NHLRC2: variants seen among roughly 807,000 people sequenced by gnomAD.
The protein encoded by NHLRC2 is NHL repeat containing 2.
A neutral mutation model predicts 68.1 loss-of-function variants in NHLRC2; 33 were observed. That is an observed-to-expected ratio of 0.48 (90% CI 0.37 to 0.65). The LOEUF (loss-of-function observed/expected upper bound fraction) is 0.65. NHLRC2 is among the 30% of genes least tolerant of loss of function. The pLI is 0.00. For missense variants in NHLRC2, 761 were observed against 853.8 expected (o/e 0.89, Z 1.35); for synonymous variants, 311 against 309.6 (o/e 1.00, Z -0.05).
intron 2 of NHLRC2, among the ~76,000 whole-genome samples, chr10:113,862,681 G>C (rs879053879): frequency 1.8e-4 from 27 of 152,170 alleles, no homozygotes; most frequent in Admixed American, 1.3e-4. Context: ...GTCTTCAAGA[G>C]ACTCACTTTA....
At chr10:113,858,431 A>G (rs952034186) in intron 1 of NHLRC2, 97 bp from the exon 2 acceptor site, 4 of 757,210 alleles carry the variant, frequency 5.3e-6, no homozygotes, top group African/African-American at 3.5e-5. Flanking sequence ...GTTTATTTGC[A>G]TTAGTCTTAA....
intron 10 of NHLRC2, 128 bp from the exon 11 acceptor site, chr10:113,908,152 C>T: frequency 3.0e-6 from 2 of 677,726 alleles, no homozygotes; most frequent in South Asian, 1.9e-5. Context: ...TTCCCACAGA[C>T]CGCAATGCCT....
At chr10:113,886,927 A>AAG (rs1187748091) in intron 5 of NHLRC2, among the ~76,000 whole-genome samples, 2 of 152,226 alleles carry the variant, frequency 1.3e-5, no homozygotes, top group Admixed American at 6.5e-5. Context: ...TAACAGAATG[A>AAG]AGAGACAACC....
intron 4 of NHLRC2, 119 bp downstream of exon 4, chr10:113,879,814 T>C: frequency 1.6e-6 from 1 of 624,210 alleles, no homozygotes; most frequent in Non-Finnish European, 2.6e-6. Flanking sequence ...CTTGTTCTGC[T>C]TTTCTTGAGG....
At chr10:113,904,092 G>GTTTT (rs1282312896) in intron 9 of NHLRC2, among the ~76,000 whole-genome samples, 3 of 139,604 alleles carry the variant, frequency 2.1e-5, no homozygotes, top group African/African-American at 8.0e-5. Flanking sequence ...TTAGCTTATT[G>GTTTT]TTTTTGTTTT....
chr10:113,883,201 T>C (rs1434300888), intron 4 of NHLRC2, among the ~76,000 whole-genome samples: 1 of 151,910 alleles, frequency 6.6e-6, no homozygotes, highest in Non-Finnish European at 1.5e-5. Context: ...TGCCAAAATC[T>C]TTTGATTGTT....
At chr10:113,890,367 C>A (rs1231519346) in intron 5 of NHLRC2, among the ~76,000 whole-genome samples, 1 of 152,124 alleles carries the variant, frequency 6.6e-6, no homozygotes, top group Non-Finnish European at 1.5e-5. Flanking sequence ...CCACAAGACA[C>A]CTGTTTTAAT....
intron 2 of NHLRC2, among the ~76,000 whole-genome samples, chr10:113,868,825 G>A (rs1845894952): frequency 6.6e-6 from 1 of 152,174 alleles, no homozygotes; most frequent in South Asian, 2.1e-4. Context: ...TGTTCTAAAA[G>A]ACAAGCGTGG....
chr10:113,908,461 G>A lies in NHLRC2; in HGVS notation c.2106G>A (p.Leu702=). Residue 702 remains leucine (L), a synonymous_variant, in exon 11 of 11, where the codon TTG becomes TTA. Transcript: ENST00000369301. ...GTGCTTGTATGATGAAGGCAATTTT[G>A]TTCAGTCAGCCTTTACAAATAACGG... ...DSSACMMKAI[L]FSQPLQITDT... 6.2e-7 allele frequency: 1 copy of A among 1,613,958 alleles called. No homozygotes were observed. Among genetic ancestry groups the A allele is most frequent in the Middle Eastern group, 1.6e-4 (1 of 6,062 alleles).
At chr10:113,886,843 A>G (rs1846087217) in intron 5 of NHLRC2, among the ~76,000 whole-genome samples, 1 of 152,246 alleles carries the variant, frequency 6.6e-6, no homozygotes, top group Admixed American at 6.5e-5. Flanking sequence ...CTCCAAAAAC[A>G]CAGGCAACGA....
intron 8 of NHLRC2, 66 bp from the exon 9 acceptor site, chr10:113,903,461 A>G: frequency 7.4e-6 from 7 of 945,200 alleles, no homozygotes; most frequent in Non-Finnish European, 1.0e-5. Context: ...TTGATACCAT[A>G]CTCTTCCATA....
chr10:113,885,419 A>G (rs886586155), intron 5 of NHLRC2, among the ~76,000 whole-genome samples: 1 of 151,966 alleles, frequency 6.6e-6, no homozygotes, highest in African/African-American at 2.4e-5. Context: ...AACTAAAGGG[A>G]TACTTCATAT....
At chr10:113,871,015 C>CT (rs1169108158) in intron 2 of NHLRC2, among the ~76,000 whole-genome samples, 893 of 65,758 alleles carry the variant, frequency 0.014, 78 homozygotes, top group African/African-American at 0.021. Flanking sequence ...CTTCCTGCAT[C>CT]TTTTTTTTTT....
intron 10 of NHLRC2, among the ~76,000 whole-genome samples, chr10:113,907,016 C>G (rs1388664507): frequency 6.6e-6 from 1 of 152,052 alleles, no homozygotes; most frequent in African/African-American, 2.4e-5. Flanking sequence ...ATAAGAAGTT[C>G]TCTACTAATC....
At chr10:113,879,801 G>T in intron 4 of NHLRC2, 106 bp downstream of exon 4, 1 of 692,566 alleles carries the variant, frequency 1.4e-6, no homozygotes. Flanking sequence ...GTATGTCAAT[G>T]TCCTTGTTCT....
rs757392286 is a variant in NHLRC2 at position 113,876,923 on chromosome 10, A to G, written c.734A>G (p.His245Arg). Reference sequence around the variant, plus strand: ...AGATTGGTAATAGCAGACACTGGACATCATAGAATTTTGGTCGTTTGGAAG... The same window carrying G: ...AGATTGGTAATAGCAGACACTGGACGTCATAGAATTTTGGTCGTTTGGAAG... ...TDRLVIADTG[H>R]HRILVVWKNG... The change falls in exon 3 of 11, where the codon CAT (histidine) becomes CGT (arginine). Residue 245 changes from histidine to arginine, a missense_variant. Coordinates refer to ENST00000369301, the MANE Select transcript of NHLRC2 (RefSeq NM_198514.4). 6 of 1,605,528 alleles carry G rather than the reference A, an allele frequency of 3.7e-6. No homozygotes were observed. The South Asian group carries it at 5.6e-5, about 15-fold the overall frequency.
In NHLRC2 at chr10:113,908,569, C is replaced by T. The variant is rs757077746; in HGVS notation, c.*33C>T. ...GCTAGCTAGCAACCCATTGCCACCA[C>T]CTACTGTCTCCCATCCTGACTATCA... On this transcript the variant is annotated 3_prime_UTR_variant, in exon 11 of 11. Coordinates refer to ENST00000369301, the MANE Select transcript of NHLRC2 (RefSeq NM_198514.4). The T allele has an allele frequency of 2.5e-6, 4 of 1,609,264 alleles. No individual in the cohort carries two copies. Among genetic ancestry groups the T allele is most frequent in the Non-Finnish European group, 3.4e-6 (4 of 1,176,664 alleles).
chr10:113,855,131 GC>G, intron 1 of NHLRC2, 81 bp downstream of exon 1: 3 of 1,311,736 alleles, frequency 2.3e-6, no homozygotes, highest in Non-Finnish European at 3.2e-6. Flanking sequence ...GAAGCGGTGG[GC>G]TAGGCGGGTT....
intron 2 of NHLRC2, among the ~76,000 whole-genome samples, chr10:113,859,917 G>A (rs1845800053): frequency 6.6e-6 from 1 of 152,114 alleles, no homozygotes; most frequent in African/African-American, 2.4e-5. Flanking sequence ...AATGAAAGTG[G>A]GGCAGAAGGG....
Sources: allele counts gnomAD v4.1 joint callset (sites outside exome capture counted in the v4.1 genomes callset), GRCh38; gene constraint gnomAD v4.1.1; transcripts MANE v1.5; gene names NCBI Gene and HGNC (gene_info 2026-07-23, HGNC 2026-07-21).